HDAC9: variants seen among roughly 807,000 people sequenced by gnomAD.
HDAC9 encodes histone deacetylase 9.
Under a neutral mutation model 139.4 loss-of-function variants are expected in HDAC9, and 41 were observed. The observed-to-expected ratio is 0.29, with a 90% CI of 0.23 to 0.38. The LOEUF is 0.38. Among genes scored for constraint, HDAC9 ranks in the 10% least tolerant of loss-of-function variants. HDAC9 has a pLI of 1.00. For synonymous variants in HDAC9, 517 were observed against 476.2 expected, an observed-to-expected ratio of 1.09 and a Z score of -1.12; for missense variants, 1,147 against 1,297.0, an observed-to-expected ratio of 0.88 and a Z score of 1.78.
At chr7:18,603,717 A>G (rs1834612116) in intron 6 of HDAC9, among the ~76,000 whole-genome samples, 1 of 152,048 alleles carries the variant, frequency 6.6e-6, no homozygotes, top group South Asian at 2.1e-4. Flanking sequence ...AAAATAAAAG[A>G]TTTTCTTTTA....
intron 2 of HDAC9, among the ~76,000 whole-genome samples, chr7:18,561,543 A>G (rs1820604835): frequency 6.6e-6 from 1 of 152,202 alleles, no homozygotes; most frequent in African/African-American, 2.4e-5. Flanking sequence ...CTAACATAGA[A>G]TACTTTTTAC....
chr7:18,554,287 G>A (rs1818056416), intron 2 of HDAC9, among the ~76,000 whole-genome samples: 1 of 149,112 alleles, frequency 6.7e-6, no homozygotes, highest in South Asian at 2.1e-4. Context: ...AAAAAGGCTG[G>A]TTAGTTGCCT....
rs188443211 is a variant in HDAC9 at position 18,930,549 on chromosome 7, C to T, written c.2804-5260C>T. ...ATACCTTCACCTGGGTAGCCACACTCGGCTGGCATTTTTAATGTTTCTAAT... is the reference window on the plus strand; with the variant it reads ...ATACCTTCACCTGGGTAGCCACACTTGGCTGGCATTTTTAATGTTTCTAAT... On this transcript the variant is annotated intron_variant, in intron 22 of 25. Transcript: ENST00000686413. Among the ~76,000 whole-genome samples, 725 of 152,068 alleles carry T rather than the reference C, an allele frequency of 4.8e-3. 13 individuals are homozygous for T. Among genetic ancestry groups the T allele is most frequent in the Middle Eastern group, 6.8e-3 (2 of 294 alleles).
At chr7:18,117,476 ACT>A (rs1167253164) in intron 1 of HDAC9, among the ~76,000 whole-genome samples, 1 of 150,966 alleles carries the variant, frequency 6.6e-6, no homozygotes, top group Non-Finnish European at 1.5e-5. Context: ...ACAGAGCGAG[ACT>A]CTGTCTCAAA....
At chr7:18,978,142 A>ATT (rs1287389566) in intron 25 of HDAC9, among the ~76,000 whole-genome samples, 1 of 152,182 alleles carries the variant, frequency 6.6e-6, no homozygotes, top group Non-Finnish European at 1.5e-5. Flanking sequence ...AAATTGAAAA[A>ATT]TTAGAAAAAT....
chr7:18,597,929 C>A (rs1832919724), intron 6 of HDAC9, among the ~76,000 whole-genome samples: 1 of 152,002 alleles, frequency 6.6e-6, no homozygotes, highest in Admixed American at 6.6e-5. Context: ...TGGAAAGAGT[C>A]CAAACATAAG....
chr7:18,988,250 C>T (rs911238019), intron 25 of HDAC9, among the ~76,000 whole-genome samples: 11 of 152,028 alleles, frequency 7.2e-5, no homozygotes, highest in Non-Finnish European at 1.3e-4. Context: ...CCCAGAGATT[C>T]GGGTATGTTG....
At chr7:18,408,889 A>G (rs1215958564) in intron 1 of HDAC9, among the ~76,000 whole-genome samples, 1 of 152,224 alleles carries the variant, frequency 6.6e-6, no homozygotes, top group Non-Finnish European at 1.5e-5. Context: ...ACAACATTAG[A>G]AAAGGCGCAG....
At chr7:18,936,047 T>A in intron 23 of HDAC9, 105 bp downstream of exon 23, 1 of 1,053,230 alleles carries the variant, frequency 9.5e-7, no homozygotes, top group Non-Finnish European at 1.4e-6. Context: ...AGCTTAACAT[T>A]GCTCTTACCA....
chr7:18,176,679 C>T (rs182766936), intron 2 of HDAC9, among the ~76,000 whole-genome samples: 1 of 152,192 alleles, frequency 6.6e-6, no homozygotes, highest in African/African-American at 2.4e-5. Context: ...TTCAGAGGTA[C>T]ATGTGCAGAT....
intron 8 of HDAC9, among the ~76,000 whole-genome samples, chr7:18,640,009 T>C (rs1347333641): frequency 1.3e-5 from 2 of 152,018 alleles, no homozygotes; most frequent in African/African-American, 4.8e-5. Flanking sequence ...ATATATATTT[T>C]TTCTTTTTCT....
chr7:18,091,671 A>G lies in HDAC9; in HGVS notation c.-97+4458A>G, dbSNP rs567857053. On this transcript the variant is annotated intron_variant, in intron 1 of 12. Coordinates refer to the HDAC9 transcript ENST00000417496. ...TCAGTTTCATTGCTCAGAAGTCCAC[A>G]CATAGCTCAACTAGGTCCTCTGGCC... is the stretch of plus-strand genomic sequence containing the variant. Among the ~76,000 whole-genome samples the G allele has an allele frequency of 4.7e-4, 71 of 152,334 alleles. No individual in the cohort carries two copies. In the South Asian group the frequency reaches 0.015, roughly 31 times the overall value.
chr7:18,998,054 C>A lies in HDAC9; in HGVS notation c.*1992C>A, dbSNP rs1486576052. The A allele has an allele frequency of 6.6e-6, 1 of 151,904 alleles. No homozygotes were observed. The highest frequency in any genetic ancestry group is 6.6e-5 in the Admixed American group (1 of 15,240). The allele number at this position is 151,904 out of a possible 1,614,324, so 9.4% of individuals were successfully genotyped here. A position where few individuals can be genotyped will look rare whatever the true frequency, so the allele number is the denominator to read the frequency against. ...ATATTTGCTAGCTTATGTTATTTTG[C>A]AGTGATTGCTTGAGGATATTTACTT... is the stretch of plus-strand genomic sequence containing the variant. On this transcript the variant is annotated 3_prime_UTR_variant, in exon 26 of 26. Coordinates refer to ENST00000686413, the MANE Select transcript of HDAC9 (RefSeq NM_178425.4).
intron 25 of HDAC9, among the ~76,000 whole-genome samples, chr7:18,989,718 C>G (rs375303524): frequency 3.6e-5 from 5 of 138,550 alleles, no homozygotes; most frequent in African/African-American, 1.4e-4. Flanking sequence ...GGTCTTTTCA[C>G]ATAGTCCCAT....
At chr7:18,303,820 C>T (rs987206522) in intron 1 of HDAC9, among the ~76,000 whole-genome samples, 10 of 152,200 alleles carry the variant, frequency 6.6e-5, no homozygotes, top group Non-Finnish European at 7.3e-5. Context: ...GTTCCTTCCC[C>T]GTTCTGCTGG....
At chr7:18,602,819 CTG>C (rs1834351116) in intron 6 of HDAC9, among the ~76,000 whole-genome samples, 1 of 151,972 alleles carries the variant, frequency 6.6e-6, no homozygotes, top group African/African-American at 2.4e-5. Context: ...TGAGAAAATA[CTG>C]TGTACACATT....
intron 1 of HDAC9, among the ~76,000 whole-genome samples, chr7:18,110,350 A>G (rs1213541630): frequency 6.6e-6 from 1 of 152,224 alleles, no homozygotes; most frequent in Non-Finnish European, 1.5e-5. Flanking sequence ...TAAAAGCTAC[A>G]GAGTGTTATC....
intron 22 of HDAC9, chr7:18,892,567 C>G (rs1247754214): frequency 1.3e-5 from 2 of 152,108 alleles, no homozygotes; most frequent in African/African-American, 4.8e-5. Context: ...TACCGCTATT[C>G]TTTCTTCTCT....
At chr7:18,700,766 C>T (rs777291756) in intron 12 of HDAC9, among the ~76,000 whole-genome samples, 1 of 152,186 alleles carries the variant, frequency 6.6e-6, no homozygotes, top group Non-Finnish European at 1.5e-5. Flanking sequence ...GTTGTCATCT[C>T]CAGGAGACTA....
Sources: allele counts gnomAD v4.1 joint callset (sites outside exome capture counted in the v4.1 genomes callset), GRCh38; gene constraint gnomAD v4.1.1; transcripts MANE v1.5; gene names NCBI Gene and HGNC (gene_info 2026-07-23, HGNC 2026-07-21).